The following PTGR1 variants were observed in gnomAD, a reference collection of about 807,000 sequenced individuals.
PTGR1 encodes prostaglandin reductase 1.
A neutral mutation model predicts 37.7 loss-of-function variants in PTGR1; 23 were observed. That is an observed-to-expected ratio of 0.61 (90% confidence interval 0.44 to 0.86). The LOEUF (loss-of-function observed/expected upper bound fraction) is 0.86. Among genes scored for constraint, PTGR1 ranks in the 40% least tolerant of loss-of-function variants. The pLI is 0.00. For missense variants in PTGR1, 351 were observed against 394.3 expected (o/e 0.89, Z 0.93); for synonymous variants, 134 against 140.0 (o/e 0.96, Z 0.30).
At chr9:111,550,963 T>C (rs1169107243) in intron 9 of PTGR1, among the ~76,000 whole-genome samples, 1 of 152,228 alleles carries the variant, frequency 6.6e-6, no homozygotes. Context: ...AAGCCTCTGA[T>C]GATCTTTGAC....
At chr9:111,559,733 T>G (rs1376933344), downstream of PTGR1, among the ~76,000 whole-genome samples, 5 of 152,140 alleles carry the variant, frequency 3.3e-5, no homozygotes, top group Non-Finnish European at 5.9e-5. Flanking sequence ...CTGTGGGCCA[T>G]AGAGGTTCTC....
chr9:111,561,110 T>TATATATATATAGAGAGAG (rs1457364862), downstream of PTGR1, among the ~76,000 whole-genome samples: 1 of 19,192 alleles, frequency 5.2e-5, no homozygotes, highest in African/African-American at 3.9e-4. Flanking sequence ...TATATATATA[T>TATATATATATAGAGAGAG]AGAGAGAGAG....
intron 9 of PTGR1, among the ~76,000 whole-genome samples, chr9:111,554,770 G>A (rs1439046493): frequency 6.6e-6 from 1 of 152,164 alleles, no homozygotes; most frequent in Non-Finnish European, 1.5e-5. Flanking sequence ...CCAAGATTGA[G>A]GGTAACTGAA....
At chr9:111,588,158 T>C (rs183611192) in intron 4 of PTGR1, among the ~76,000 whole-genome samples, 2 of 150,836 alleles carry the variant, frequency 1.3e-5, no homozygotes, top group African/African-American at 4.9e-5. Flanking sequence ...TGGGACCGAG[T>C]AGCTGGGACC....
At chr9:111,573,998 C>T (rs769871627) in intron 8 of PTGR1, among the ~76,000 whole-genome samples, 8 of 152,196 alleles carry the variant, frequency 5.3e-5, no homozygotes, top group African/African-American at 1.2e-4. Flanking sequence ...GAGGCCAAGA[C>T]GCCCTACTGC....
Position 111,574,750 on chromosome 9 carries a change from G to C in PTGR1, c.744C>G (p.Thr248=), listed in dbSNP as rs138524922. ...GCTCATTACCTGGGGGAAGTGGGCC[G>C]GTTCTGTTATATGTAGAGATGGCTC... ...ICGAISTYNR[T]GPLPPGPPPE... The change falls in exon 8 of 10, where the codon ACC becomes ACG. Residue 248 remains threonine, a synonymous_variant. Transcript: ENST00000407693. 14 of 1,612,528 alleles carry C rather than the reference G, an allele frequency of 8.7e-6. No homozygotes were observed. In the African/African-American group the frequency reaches 1.9e-4, roughly 22 times the overall value.
chr9:111,576,512 C>G, intron 7 of PTGR1: 6 of 1,523,508 alleles, frequency 3.9e-6, no homozygotes, highest in Non-Finnish European at 4.5e-6. Flanking sequence ...CGGGGAAGAG[C>G]TGGATGGAGT....
At chr9:111,594,396 G>T in intron 2 of PTGR1, 129 bp from the exon 3 acceptor site, 1 of 762,162 alleles carries the variant, frequency 1.3e-6, no homozygotes, top group Non-Finnish European at 2.3e-6. Context: ...GAGGTACCAT[G>T]CTCACTGCCT....
intron 2 of PTGR1, among the ~76,000 whole-genome samples, chr9:111,596,926 C>CAA (rs71494900): frequency 0.28 from 25,260 of 90,424 alleles, 3,475 homozygotes; most frequent in African/African-American, 0.34. Flanking sequence ...GACTCTGTCT[C>CAA]AAAAAAAAAA....
At chr9:111,551,816 A>G (rs1401198643) in intron 9 of PTGR1, among the ~76,000 whole-genome samples, 1 of 152,204 alleles carries the variant, frequency 6.6e-6, no homozygotes, top group African/African-American at 2.4e-5. Flanking sequence ...ATTCAGTAAC[A>G]TATCAATTCA....
rs540204140 is a variant in PTGR1, at chr9:111,572,654, G to C, written c.760+2080C>G. Among the ~76,000 whole-genome samples the C allele has an allele frequency of 3.0e-3, 455 of 150,904 alleles. 2 individuals are homozygous for C. Among genetic ancestry groups the C allele is most frequent in the Non-Finnish European group, 4.6e-3 (313 of 67,756 alleles). On this transcript the variant is annotated intron_variant, in intron 8 of 9. Transcript: ENST00000407693. ...TGTCTGTAGTCTCAGCTACTCGGGA[G>C]GCTGAGGTGGGAGGATCACTTGAGC...
At chr9:111,557,673 G>A (rs1207131133), downstream of PTGR1, among the ~76,000 whole-genome samples, 4 of 151,944 alleles carry the variant, frequency 2.6e-5, no homozygotes, top group African/African-American at 4.8e-5. Flanking sequence ...CAAGTGATCC[G>A]CCCACCTCGG....
chr9:111,574,184 G>A (rs1482330956), intron 8 of PTGR1: 1 of 152,042 alleles, frequency 6.6e-6, no homozygotes, highest in African/African-American at 2.4e-5. Context: ...AATCATCACT[G>A]TCTTTTTACA....
At chr9:111,570,734 GTGCCACCGCAC>G (rs745749753) in intron 8 of PTGR1, among the ~76,000 whole-genome samples, 4 of 152,048 alleles carry the variant, frequency 2.6e-5, no homozygotes, top group Non-Finnish European at 4.4e-5. Flanking sequence ...AGCCAAGATC[GTGCCACCGCAC>G]TCCAGTCTGG....
intron 9 of PTGR1, among the ~76,000 whole-genome samples, chr9:111,555,569 G>A (rs528761158): frequency 7.2e-5 from 11 of 152,270 alleles, no homozygotes; most frequent in African/African-American, 1.2e-4. Flanking sequence ...TCACAGTTCC[G>A]CAGGCTATAC....
At chr9:111,591,409 T>C (rs1267906157) in intron 4 of PTGR1, among the ~76,000 whole-genome samples, 1 of 145,868 alleles carries the variant, frequency 6.9e-6, no homozygotes, top group Non-Finnish European at 1.5e-5. Flanking sequence ...TCTCACTCTG[T>C]CGCCCAGGCT....
chr9:111,555,979 C>G (rs1828110794), intron 9 of PTGR1, among the ~76,000 whole-genome samples: 1 of 152,214 alleles, frequency 6.6e-6, no homozygotes, highest in South Asian at 2.1e-4. Flanking sequence ...TCCAAAGTCT[C>G]TTCTGACACA....
At chr9:111,569,130 C>T (rs1265861263) in intron 9 of PTGR1, among the ~76,000 whole-genome samples, 1 of 152,104 alleles carries the variant, frequency 6.6e-6, no homozygotes, top group Non-Finnish European at 1.5e-5. Flanking sequence ...ATCAGGCATC[C>T]AGGTGGACAT....
intron 8 of PTGR1, among the ~76,000 whole-genome samples, chr9:111,573,649 T>G (rs1468675465): frequency 1.3e-5 from 2 of 152,086 alleles, no homozygotes; most frequent in Non-Finnish European, 2.9e-5. Context: ...AGAAACAGAC[T>G]CTGTATGAGG....
Sources: allele counts gnomAD v4.1 joint callset (sites outside exome capture counted in the v4.1 genomes callset), GRCh38; gene constraint gnomAD v4.1.1; transcripts MANE v1.5; gene names NCBI Gene and HGNC (gene_info 2026-07-23, HGNC 2026-07-21).